Variants in ADORA2B observed in about 807,000 individuals in gnomAD.
ADORA2B encodes the protein adenosine receptor A2b.
Under a neutral mutation model 20.8 loss-of-function variants are expected in ADORA2B, and 18 were observed. The ratio of observed to expected loss-of-function variants is 0.87; its 90% CI spans 0.60 to 1.29. ADORA2B has a LOEUF of 1.29. ADORA2B is among the 50% of genes most tolerant of loss of function. The pLI is 0.00. For synonymous variants in ADORA2B, 179 were observed against 178.3 expected, an observed-to-expected ratio of 1.00 and a Z score of -0.03; for missense variants, 441 against 422.7, an observed-to-expected ratio of 1.04 and a Z score of -0.38.
the ADORA2B span, among the ~76,000 whole-genome samples, chr17:15,858,257 G>A: frequency 2.2e-4 from 34 of 152,160 alleles, no homozygotes; most frequent in African/African-American, 7.7e-4. Flanking sequence ...CTCCTCACCA[G>A]CACTTGTTTT....
At position 15,945,260 on chromosome 17, in the gene ADORA2B, GAC is replaced by G. The variant is rs1009878535; in HGVS notation, c.16_17del (p.Gln6GlyfsTer68). On this transcript the variant is annotated frameshift_variant, in exon 1 of 2. Coordinates refer to ENST00000304222, the MANE Select transcript of ADORA2B (RefSeq NM_000676.4). LOFTEE classifies it high-confidence loss of function. MLLE[T>X]QDALYVALEL... ...CAGCTGGCCCGGCCATGCTGCTGGA[GAC>G]ACAGGACGCGCTGTACGTGGCGCTG... The G allele has an allele frequency of 1.3e-6, 2 of 1,484,152 alleles. No homozygotes were observed. The highest frequency in any genetic ancestry group is 1.4e-5 in the African/African-American group (1 of 71,608). 91.9% of individuals were successfully genotyped at this position (1,484,152 alleles called of 1,614,324 possible).
At chr17:15,936,936 A>C in the ADORA2B span, among the ~76,000 whole-genome samples, 1 of 152,240 alleles carries the variant, frequency 6.6e-6, no homozygotes, top group Admixed American at 6.5e-5. Context: ...AGCCTGGACA[A>C]CAGAGTGAGA....
chr17:15,939,119 C>A, the ADORA2B span, among the ~76,000 whole-genome samples: 2 of 152,158 alleles, frequency 1.3e-5, no homozygotes, highest in African/African-American at 4.8e-5. Context: ...TGGTTCACTG[C>A]AACCTCCAGC....
chr17:15,871,825 G>T, the ADORA2B span, among the ~76,000 whole-genome samples: 23 of 152,234 alleles, frequency 1.5e-4, no homozygotes, highest in South Asian at 6.2e-4. Flanking sequence ...TTCCCTTTGC[G>T]TATATGGCTT....
At chr17:15,871,799 T>TA in the ADORA2B span, among the ~76,000 whole-genome samples, 1 of 152,216 alleles carries the variant, frequency 6.6e-6, no homozygotes, top group Non-Finnish European at 1.5e-5. Context: ...CCTCTGGACT[T>TA]AACGCCCTGC....
chr17:15,946,258 C>G (rs531640220), intron 1 of ADORA2B, among the ~76,000 whole-genome samples: 2 of 152,358 alleles, frequency 1.3e-5, no homozygotes, highest in South Asian at 4.1e-4. Flanking sequence ...TGGCAAACGG[C>G]CTTACAGCCT....
chr17:15,907,798 C>T, the ADORA2B span, among the ~76,000 whole-genome samples: 2 of 152,188 alleles, frequency 1.3e-5, no homozygotes, highest in Non-Finnish European at 2.9e-5. Context: ...ACTAGTTCGA[C>T]AGAAGAAAAT....
chr17:15,916,628 A>G, the ADORA2B span, among the ~76,000 whole-genome samples: 1 of 152,216 alleles, frequency 6.6e-6, no homozygotes, highest in Admixed American at 6.5e-5. Context: ...TGTAATCTAT[A>G]GATAACATAA....
At chr17:15,912,802 T>A in the ADORA2B span, among the ~76,000 whole-genome samples, 1 of 152,226 alleles carries the variant, frequency 6.6e-6, no homozygotes, top group Non-Finnish European at 1.5e-5. Flanking sequence ...TTGCCACTGT[T>A]TGGGCCCCAT....
chr17:15,932,524 C>G, the ADORA2B span, among the ~76,000 whole-genome samples: 1 of 151,656 alleles, frequency 6.6e-6, no homozygotes, highest in South Asian at 2.1e-4. Context: ...AAATTGTTGC[C>G]CAAGGTAATG....
rs769249913 is a variant in ADORA2B at position 15,975,009 on chromosome 17, G to A, written c.666G>A (p.Ser222=). 10 of 1,614,040 alleles carry A rather than the reference G, an allele frequency of 6.2e-6. No homozygotes were observed. In the East Asian group the frequency reaches 8.9e-5, roughly 14 times the overall value. Residue 222 remains serine (S), a synonymous_variant, in exon 2 of 2, where the codon TCG becomes TCA. Coordinates refer to ENST00000304222, the MANE Select transcript of ADORA2B (RefSeq NM_000676.4). ...AGCGCACTGAGCTGATGGACCACTC[G>A]AGGACCACCCTCCAGCGGGAGATCC... ...QLQRTELMDH[S]RTTLQREIHA... is the part of the protein sequence containing the mutation.
At chr17:15,925,337 A>G in the ADORA2B span, among the ~76,000 whole-genome samples, 1 of 152,060 alleles carries the variant, frequency 6.6e-6, no homozygotes, top group African/African-American at 2.4e-5. Flanking sequence ...TGCCCAGCCT[A>G]CTTTTAAAAT....
chr17:15,946,358 T>G (rs956208812), intron 1 of ADORA2B, among the ~76,000 whole-genome samples: 2 of 152,336 alleles, frequency 1.3e-5, no homozygotes, highest in African/African-American at 4.8e-5. Context: ...ACTTGTCCAC[T>G]CTTTCTCCCA....
the ADORA2B span, among the ~76,000 whole-genome samples, chr17:15,867,018 T>C: frequency 0.013 from 1,911 of 146,380 alleles, 44 homozygotes; most frequent in African/African-American, 0.043. Context: ...AGCTCCTAAC[T>C]GCGAGTGATC....
At chr17:15,879,826 C>T in the ADORA2B span, among the ~76,000 whole-genome samples, 24 of 149,352 alleles carry the variant, frequency 1.6e-4, no homozygotes, top group East Asian at 4.1e-3. Context: ...CATCAGCCAC[C>T]GCACCCGGCC....
At chr17:15,964,413 C>CCTGGTA (rs1240534151) in intron 1 of ADORA2B, among the ~76,000 whole-genome samples, 2 of 151,306 alleles carry the variant, frequency 1.3e-5, no homozygotes, top group Non-Finnish European at 2.9e-5. Context: ...TCGAGACCAG[C>CCTGGTA]CTGGCCAGCA....
chr17:15,884,967 C>T, the ADORA2B span, among the ~76,000 whole-genome samples: 2 of 152,172 alleles, frequency 1.3e-5, no homozygotes, highest in Non-Finnish European at 2.9e-5. Context: ...AATGGTATTT[C>T]TGCTTCTAGG....
chr17:15,889,891 C>G, the ADORA2B span, among the ~76,000 whole-genome samples: 29 of 129,364 alleles, frequency 2.2e-4, 6 homozygotes, highest in Non-Finnish European at 4.2e-4. Flanking sequence ...GAGCAAGACT[C>G]TGTCTCAATA....
chr17:15,892,104 G>A, the ADORA2B span, among the ~76,000 whole-genome samples: 4 of 148,036 alleles, frequency 2.7e-5, no homozygotes, highest in Middle Eastern at 3.7e-3. Flanking sequence ...CAGGTGATCC[G>A]TCCACCCCTG....
Sources: gnomAD v4.1 joint callset for allele counts (sites outside exome capture counted in the v4.1 genomes callset) on GRCh38, gnomAD v4.1.1 for gene constraint, MANE v1.5 for transcripts, NCBI Gene and HGNC (gene_info 2026-07-23, HGNC 2026-07-21) for gene names.